RANBP2: variants seen among roughly 807,000 people sequenced by gnomAD.
The protein encoded by RANBP2 is RAN binding protein 2.
RANBP2 carries 57 observed loss-of-function variants against 303.6 expected under a neutral mutation model. The ratio of observed to expected loss-of-function variants is 0.19; its 90% confidence interval spans 0.15 to 0.23. The LOEUF (loss-of-function observed/expected upper bound fraction) is 0.23. Among genes scored for constraint, RANBP2 ranks in the 10% least tolerant of loss-of-function variants. The pLI is 1.00. For missense variants in RANBP2, 3,138 were observed against 3,780.8 expected (o/e 0.83, Z 4.46); for synonymous variants, 1,167 against 1,301.5 (o/e 0.90, Z 2.23).
chr2:108,942,645 G>T, the RANBP2 span, among the ~76,000 whole-genome samples: 16 of 152,164 alleles, frequency 1.1e-4, no homozygotes, highest in Non-Finnish European at 1.9e-4. Context: ...TGCTTTCCAC[G>T]CCAGAGGCCT....
chr2:109,016,277 A>G, the RANBP2 span, among the ~76,000 whole-genome samples: 1 of 151,128 alleles, frequency 6.6e-6, no homozygotes, highest in African/African-American at 2.4e-5. Context: ...TTTAGTAGAG[A>G]CAGGGTTTCA....
At chr2:109,142,053 G>T in the RANBP2 span, among the ~76,000 whole-genome samples, 2 of 151,268 alleles carry the variant, frequency 1.3e-5, no homozygotes, top group African/African-American at 2.4e-5. Flanking sequence ...TGGGGGGGGG[G>T]TCTCAGGTAT....
chr2:109,414,790 C>T, the RANBP2 span, among the ~76,000 whole-genome samples: 1 of 152,226 alleles, frequency 6.6e-6, no homozygotes, highest in Non-Finnish European at 1.5e-5. Context: ...AGCAGCATTT[C>T]CATCTGGCCA....
the RANBP2 span, among the ~76,000 whole-genome samples, chr2:109,464,139 T>C: frequency 1.3e-5 from 2 of 152,186 alleles, no homozygotes; most frequent in African/African-American, 4.8e-5. Context: ...TCTTCTAAAA[T>C]ACTTCCAGGG....
chr2:108,808,084 T>C, the RANBP2 span, among the ~76,000 whole-genome samples: 6 of 152,216 alleles, frequency 3.9e-5, no homozygotes, highest in Admixed American at 2.6e-4. Context: ...TGTACTTGGC[T>C]TATTTCACTT....
chr2:109,688,220 C>T, the RANBP2 span, among the ~76,000 whole-genome samples: 1 of 152,244 alleles, frequency 6.6e-6, no homozygotes, highest in Admixed American at 6.5e-5. Context: ...AGGAAAGGCC[C>T]TCCTGAGGCC....
At chr2:109,170,312 CTCTCCTCT>C in the RANBP2 span, among the ~76,000 whole-genome samples, 1 of 133,540 alleles carries the variant, frequency 7.5e-6, no homozygotes, top group African/African-American at 2.8e-5. Context: ...CTCTTCTCTT[CTCTCCTCT>C]CTCTCTCTCC....
chr2:109,112,951 C>T, the RANBP2 span, among the ~76,000 whole-genome samples: 1 of 152,120 alleles, frequency 6.6e-6, no homozygotes, highest in African/African-American at 2.4e-5. Flanking sequence ...TGTAGATATG[C>T]AGCGTTATTT....
chr2:109,182,534 A>T, the RANBP2 span, among the ~76,000 whole-genome samples: 1 of 152,174 alleles, frequency 6.6e-6, no homozygotes, highest in Non-Finnish European at 1.5e-5. Flanking sequence ...TTCTTCCTGG[A>T]TGTGCTTGGG....
the RANBP2 span, among the ~76,000 whole-genome samples, chr2:109,153,823 T>G: frequency 1.3e-5 from 2 of 152,248 alleles, no homozygotes; most frequent in Non-Finnish European, 2.9e-5. Context: ...TGAGATTTCC[T>G]GCAGACCTGC....
the RANBP2 span, among the ~76,000 whole-genome samples, chr2:109,155,129 A>G: frequency 5.9e-5 from 9 of 152,188 alleles, no homozygotes; most frequent in Admixed American, 5.2e-4. Flanking sequence ...TTTGCAAACT[A>G]CAACTTGCTA....
the RANBP2 span, among the ~76,000 whole-genome samples, chr2:109,162,963 C>A: frequency 6.6e-6 from 1 of 152,298 alleles, no homozygotes; most frequent in African/African-American, 2.4e-5. Flanking sequence ...TGTCACCTCT[C>A]CAAGGGATTT....
At chr2:109,048,020 C>G in the RANBP2 span, among the ~76,000 whole-genome samples, 2 of 152,266 alleles carry the variant, frequency 1.3e-5, no homozygotes, top group African/African-American at 4.8e-5. Flanking sequence ...CTCCTCCTGC[C>G]GTTACTTCTG....
At chr2:108,800,495 C>T in the RANBP2 span, among the ~76,000 whole-genome samples, 2 of 151,834 alleles carry the variant, frequency 1.3e-5, no homozygotes, top group African/African-American at 2.4e-5. Flanking sequence ...GAATTCCTGA[C>T]CTCAAGCAAT....
the RANBP2 span, among the ~76,000 whole-genome samples, chr2:109,469,642 C>A: frequency 1.3e-5 from 2 of 152,130 alleles, no homozygotes; most frequent in Non-Finnish European, 2.9e-5. Context: ...GAGCACTGGT[C>A]TTGTGTACTT....
chr2:109,712,617 G>A, the RANBP2 span, among the ~76,000 whole-genome samples: 1 of 152,132 alleles, frequency 6.6e-6, no homozygotes, highest in South Asian at 2.1e-4. Flanking sequence ...ATTTTTAGTA[G>A]AGACAGGGGT....
chr2:108,897,082 A>T, the RANBP2 span: 1 of 1,614,162 alleles, frequency 6.2e-7, no homozygotes, highest in Admixed American at 1.7e-5. Context: ...GCCGTCTGTC[A>T]TGCCCCCAAT....
the RANBP2 span, among the ~76,000 whole-genome samples, chr2:109,532,484 G>T: frequency 2.0e-5 from 3 of 152,084 alleles, no homozygotes; most frequent in Admixed American, 2.0e-4. Context: ...CTGTGCGTGG[G>T]TGCCCCCACC....
chr2:108,964,442 A>G, the RANBP2 span, among the ~76,000 whole-genome samples: 1 of 152,146 alleles, frequency 6.6e-6, no homozygotes, highest in Admixed American at 6.5e-5. Flanking sequence ...TCTTTCCCTA[A>G]ACTGAAGAGG....
Sources: gnomAD v4.1 joint callset for allele counts (sites outside exome capture counted in the v4.1 genomes callset) on GRCh38, gnomAD v4.1.1 for gene constraint, MANE v1.5 for transcripts, NCBI Gene and HGNC (gene_info 2026-07-23, HGNC 2026-07-21) for gene names.